GRID2: variants seen among roughly 807,000 people sequenced by gnomAD.
GRID2 encodes glutamate ionotropic receptor delta type subunit 2.
GRID2 carries 33 observed loss-of-function variants against 114.8 expected under a neutral mutation model. The observed-to-expected ratio is 0.29, with a 90% confidence interval of 0.22 to 0.38. The LOEUF (loss-of-function observed/expected upper bound fraction) is 0.38, where lower values mean the gene tolerates loss of function less well. GRID2 is among the 10% of genes least tolerant of loss of function. GRID2 has a pLI of 1.00. For synonymous variants in GRID2, 505 were observed against 449.9 expected (o/e 1.12, Z -1.55); for missense variants, 1,184 against 1,257.7 (o/e 0.94, Z 0.89).
At chr4:92,752,314 A>G (rs1737493907) in intron 2 of GRID2, among the ~76,000 whole-genome samples, 1 of 152,190 alleles carries the variant, frequency 6.6e-6, no homozygotes, top group Admixed American at 6.5e-5. Context: ...TCTCTTAATC[A>G]TATAGAAAAA....
chr4:93,317,986 AATATATATATATATATATAT>A (rs58755199), intron 8 of GRID2, among the ~76,000 whole-genome samples: 11 of 100,914 alleles, frequency 1.1e-4, no homozygotes, highest in Admixed American at 4.5e-4. Flanking sequence ...TTAAAAGTGA[AATATATATATATATATATAT>A]ATATATATAT....
At chr4:93,229,997 A>C (rs963472842) in intron 7 of GRID2, among the ~76,000 whole-genome samples, 2 of 152,162 alleles carry the variant, frequency 1.3e-5, no homozygotes, top group African/African-American at 4.8e-5. Context: ...TGAAGGAATT[A>C]TAGTTTTAAA....
chr4:92,918,584 G>T (rs531062153), intron 2 of GRID2, among the ~76,000 whole-genome samples: 10 of 152,104 alleles, frequency 6.6e-5, no homozygotes, highest in Admixed American at 4.6e-4. Flanking sequence ...TTTGTCAAAG[G>T]CCTTTCTGCA....
chr4:93,595,111 G>A (rs1738937655), intron 13 of GRID2, among the ~76,000 whole-genome samples: 1 of 152,118 alleles, frequency 6.6e-6, no homozygotes. Context: ...CATGCTGCCT[G>A]CTCTCCTCAA....
At chr4:93,631,656 A>C (rs1012354213) in intron 14 of GRID2, among the ~76,000 whole-genome samples, 3 of 152,208 alleles carry the variant, frequency 2.0e-5, no homozygotes, top group Non-Finnish European at 4.4e-5. Context: ...TGCTATTGTG[A>C]ATAGTGCCAC....
At chr4:92,716,041 CATTT>C (rs1267112193) in intron 2 of GRID2, among the ~76,000 whole-genome samples, 1 of 152,132 alleles carries the variant, frequency 6.6e-6, no homozygotes, top group African/African-American at 2.4e-5. Context: ...TAAAAATCTT[CATTT>C]ATTCCCTATT....
chr4:92,639,337 A>C (rs541500905), intron 2 of GRID2, among the ~76,000 whole-genome samples: 1 of 151,982 alleles, frequency 6.6e-6, no homozygotes, highest in South Asian at 2.1e-4. Context: ...GGTCTCATAT[A>C]TCTAATATTT....
intron 1 of GRID2, among the ~76,000 whole-genome samples, chr4:92,450,080 T>G (rs970240448): frequency 6.6e-6 from 1 of 152,074 alleles, no homozygotes; most frequent in Non-Finnish European, 1.5e-5. Flanking sequence ...TTTGCTAAGT[T>G]TGGTCACTGT....
At chr4:92,319,612 G>A (rs971723771) in intron 1 of GRID2, among the ~76,000 whole-genome samples, 69 of 152,166 alleles carry the variant, frequency 4.5e-4, no homozygotes, top group African/African-American at 1.6e-3. Flanking sequence ...AATTTTTGGT[G>A]CCATTTAACA....
At chr4:92,885,701 T>A (rs1746322584) in intron 2 of GRID2, among the ~76,000 whole-genome samples, 1 of 152,230 alleles carries the variant, frequency 6.6e-6, no homozygotes, top group Admixed American at 6.5e-5. Flanking sequence ...GATAGTCAGT[T>A]AAAACTTCTG....
At chr4:92,664,816 T>C (rs1178370520) in intron 2 of GRID2, among the ~76,000 whole-genome samples, 1 of 151,202 alleles carries the variant, frequency 6.6e-6, no homozygotes, top group East Asian at 1.9e-4. Context: ...AAATTTAATG[T>C]CCATATTTTC....
intron 2 of GRID2, among the ~76,000 whole-genome samples, chr4:92,692,105 A>AT (rs1380254730): frequency 6.6e-6 from 1 of 152,168 alleles, no homozygotes; most frequent in African/African-American, 2.4e-5. Context: ...CCCTACCAAC[A>AT]TTTTTGAAGC....
intron 2 of GRID2, among the ~76,000 whole-genome samples, chr4:92,855,608 A>G (rs1403989517): frequency 1.3e-5 from 2 of 151,958 alleles, no homozygotes; most frequent in African/African-American, 2.4e-5. Context: ...TATACATACT[A>G]TACACTAGTG....
chr4:92,573,836 T>C (rs1324949886), intron 1 of GRID2, among the ~76,000 whole-genome samples: 1 of 152,112 alleles, frequency 6.6e-6, no homozygotes, highest in Non-Finnish European at 1.5e-5. Context: ...GTCAACTTGA[T>C]CCAGAGCTGA....
intron 1 of GRID2, among the ~76,000 whole-genome samples, chr4:92,441,795 T>C (rs892379406): frequency 2.2e-4 from 33 of 151,860 alleles, no homozygotes; most frequent in Non-Finnish European, 3.5e-4. Flanking sequence ...AGTAGAGGTA[T>C]CTTATACTTG....
intron 10 of GRID2, among the ~76,000 whole-genome samples, chr4:93,423,336 C>CTTT (rs554663844): frequency 1.6e-3 from 120 of 73,576 alleles, no homozygotes; most frequent in Non-Finnish European, 2.0e-3. Flanking sequence ...TTTTTTCTTT[C>CTTT]TTTTTTTTTT....
intron 1 of GRID2, among the ~76,000 whole-genome samples, chr4:92,423,065 G>A (rs1731981774): frequency 6.6e-6 from 1 of 152,080 alleles, no homozygotes; most frequent in Non-Finnish European, 1.5e-5. Flanking sequence ...ATGAAGATGG[G>A]ACAAATCCTG....
At chr4:93,141,145 T>G in intron 4 of GRID2, among the ~76,000 whole-genome samples, 1 of 152,330 alleles carries the variant, frequency 6.6e-6, no homozygotes, top group Non-Finnish European at 1.5e-5. Context: ...TGTTATTTAT[T>G]ACTATTTTGT....
At chr4:93,784,625 T>C (rs1342324934) in intron 1 of GRID2, among the ~76,000 whole-genome samples, 4 of 143,462 alleles carry the variant, frequency 2.8e-5, no homozygotes, top group Admixed American at 1.5e-4. Flanking sequence ...TTGTATTTTA[T>C]ATTTTCAGAG....
Sources: gnomAD v4.1 joint callset for allele counts (sites outside exome capture counted in the v4.1 genomes callset) on GRCh38, gnomAD v4.1.1 for gene constraint, MANE v1.5 for transcripts, NCBI Gene and HGNC (gene_info 2026-07-23, HGNC 2026-07-21) for gene names.